Variants in CPA6 observed in about 807,000 individuals in gnomAD.
CPA6 encodes the protein carboxypeptidase B.
CPA6 carries 58 observed loss-of-function variants against 63.3 expected under a neutral mutation model. The ratio of observed to expected loss-of-function variants is 0.92; its 90% CI spans 0.74 to 1.14. CPA6 has a LOEUF of 1.14. CPA6 is among the 50% of genes most tolerant of loss of function. CPA6 has a pLI of 0.00. For synonymous variants in CPA6, 185 were observed against 179.0 expected (o/e 1.03, Z -0.27); for missense variants, 565 against 526.6 (o/e 1.07, Z -0.71).
chr8:67,616,501 ATGTGTGTGTG>A (rs4009134), intron 2 of CPA6, among the ~76,000 whole-genome samples: 4,218 of 126,962 alleles, frequency 0.033, 162 homozygotes, highest in African/African-American at 0.095. Flanking sequence ...GGCAAATTGA[ATGTGTGTGTG>A]TGTGTGTGTG....
At chr8:67,720,085 TG>T (rs1177720957) in intron 1 of CPA6, among the ~76,000 whole-genome samples, 1 of 149,648 alleles carries the variant, frequency 6.7e-6, no homozygotes, top group Non-Finnish European at 1.5e-5. Flanking sequence ...GAGATAAGGG[TG>T]GGGCGGTTTT....
chr8:67,721,702 T>TG (rs1282916033), intron 1 of CPA6, among the ~76,000 whole-genome samples: 2 of 151,566 alleles, frequency 1.3e-5, no homozygotes, highest in African/African-American at 2.4e-5. Flanking sequence ...TTCTCAAAAG[T>TG]GGGAAAAAAA....
intron 8 of CPA6, among the ~76,000 whole-genome samples, chr8:67,464,568 C>T (rs1218385686): frequency 6.6e-6 from 1 of 152,116 alleles, no homozygotes; most frequent in African/African-American, 2.4e-5. Flanking sequence ...CTTTTGAGGA[C>T]TTAGTCACAA....
intron 2 of CPA6, among the ~76,000 whole-genome samples, chr8:67,527,630 T>A (rs1812392325): frequency 6.6e-6 from 1 of 152,222 alleles, no homozygotes; most frequent in Admixed American, 6.5e-5. Flanking sequence ...TGGAAAATAT[T>A]TCTCAAGTTC....
chr8:67,729,378 T>C (rs1817663993), intron 1 of CPA6, among the ~76,000 whole-genome samples: 1 of 152,244 alleles, frequency 6.6e-6, no homozygotes, highest in Non-Finnish European at 1.5e-5. Context: ...CCATTTGATA[T>C]TGCTGTTATT....
rs1016170417 is a variant in CPA6, at chr8:67,422,520, A to T, written c.1298T>A (p.Leu433Gln). The change falls in exon 11 of 11, where the codon CTA (leucine) becomes CAA (glutamine). Residue 433 changes from leucine to glutamine, a missense_variant. Leu to Gln is a moderately radical substitution (Grantham distance 113). Transcript: ENST00000297770. ...LAVKNITMHL[L>Q]KKCP ...TGGGCTGTCTCAGGGACATTTCTTTAGCAGGTGCATTGTGATATTTTTCAC... is the reference window on the plus strand; with the variant it reads ...TGGGCTGTCTCAGGGACATTTCTTTTGCAGGTGCATTGTGATATTTTTCAC... The T allele has an allele frequency of 6.2e-7, 1 of 1,613,992 alleles. No individual in the cohort carries two copies. The highest frequency in any genetic ancestry group is 8.5e-7 in the Non-Finnish European group (1 of 1,179,910).
intron 1 of CPA6, among the ~76,000 whole-genome samples, chr8:67,634,798 C>A (rs181851361): frequency 6.6e-6 from 1 of 151,726 alleles, no homozygotes; most frequent in East Asian, 1.9e-4. Context: ...AGTTTATAGT[C>A]ACAATCCCTG....
chr8:67,431,101 C>T (rs547376377), intron 9 of CPA6, among the ~76,000 whole-genome samples: 2 of 152,236 alleles, frequency 1.3e-5, no homozygotes, highest in African/African-American at 4.8e-5. Context: ...TGGGCCCAAG[C>T]AATCCTCCAG....
At chr8:67,704,839 G>A (rs1351456915) in intron 1 of CPA6, among the ~76,000 whole-genome samples, 2 of 152,132 alleles carry the variant, frequency 1.3e-5, no homozygotes, top group African/African-American at 2.4e-5. Context: ...TTGCAGATGG[G>A]TAATCGTGTC....
At chr8:67,694,397 GA>G (rs1407399110) in intron 1 of CPA6, among the ~76,000 whole-genome samples, 2 of 152,232 alleles carry the variant, frequency 1.3e-5, no homozygotes, top group Non-Finnish European at 2.9e-5. Context: ...AGCAGACACT[GA>G]ACGTTGCCCA....
At chr8:67,738,544 A>G (rs1036914684) in intron 1 of CPA6, among the ~76,000 whole-genome samples, 7 of 152,238 alleles carry the variant, frequency 4.6e-5, no homozygotes, top group Non-Finnish European at 8.8e-5. Flanking sequence ...AAACAAACAA[A>G]AAAATACAGA....
At chr8:67,671,391 C>T (rs903839755) in intron 1 of CPA6, among the ~76,000 whole-genome samples, 3 of 152,192 alleles carry the variant, frequency 2.0e-5, no homozygotes, top group Non-Finnish European at 2.9e-5. Flanking sequence ...AGGAGTGGCT[C>T]TTCACCAAGC....
At chr8:67,733,417 T>C (rs1299602339) in intron 1 of CPA6, among the ~76,000 whole-genome samples, 1 of 142,184 alleles carries the variant, frequency 7.0e-6, no homozygotes, top group Admixed American at 6.9e-5. Flanking sequence ...CCACCTCACC[T>C]CCTCTTTCCC....
chr8:67,475,012 A>C (rs908889646), intron 8 of CPA6, among the ~76,000 whole-genome samples: 1 of 152,080 alleles, frequency 6.6e-6, no homozygotes, highest in Non-Finnish European at 1.5e-5. Context: ...AAACAAAAAA[A>C]CCCAAAAAAC....
At chr8:67,548,942 C>T (rs919738586) in intron 2 of CPA6, among the ~76,000 whole-genome samples, 31 of 152,278 alleles carry the variant, frequency 2.0e-4, no homozygotes, top group African/African-American at 6.5e-4. Flanking sequence ...GACTGTGCAT[C>T]CCTGTGGGGT....
chr8:67,480,930 G>A (rs1470562376), intron 8 of CPA6, among the ~76,000 whole-genome samples: 1 of 152,160 alleles, frequency 6.6e-6, no homozygotes, highest in Admixed American at 6.5e-5. Flanking sequence ...ATGACGTTGA[G>A]CGTATTTTCA....
At chr8:67,703,029 G>A (rs920125851) in intron 1 of CPA6, among the ~76,000 whole-genome samples, 15 of 152,152 alleles carry the variant, frequency 9.9e-5, no homozygotes, top group Non-Finnish European at 1.3e-4. Flanking sequence ...TTTCCTCTGA[G>A]GAGGCAAGAA....
chr8:67,628,734 T>C (rs985267708), intron 1 of CPA6, among the ~76,000 whole-genome samples: 1 of 152,242 alleles, frequency 6.6e-6, no homozygotes, highest in African/African-American at 2.4e-5. Context: ...ATTGTGACTT[T>C]ACATGAAACA....
intron 2 of CPA6, among the ~76,000 whole-genome samples, chr8:67,604,530 T>C (rs573243095): frequency 1.3e-5 from 2 of 152,328 alleles, no homozygotes; most frequent in East Asian, 3.9e-4. Flanking sequence ...TGATATACCA[T>C]ATTTTTTACT....
Sources: allele counts gnomAD v4.1 joint callset (sites outside exome capture counted in the v4.1 genomes callset), GRCh38; gene constraint gnomAD v4.1.1; transcripts MANE v1.5; gene names NCBI Gene and HGNC (gene_info 2026-07-23, HGNC 2026-07-21).